Variants in AUH observed in about 807,000 individuals in gnomAD.
AUH encodes methylglutaconyl-CoA hydratase, mitochondrial.
AUH carries 29 observed loss-of-function variants against 42.3 expected under a neutral mutation model. The ratio of observed to expected loss-of-function variants is 0.69; its 90% CI spans 0.51 to 0.93. The LOEUF is 0.93. Ranked by LOEUF, AUH falls within the 40% of genes least tolerant of loss-of-function variation. The pLI is 0.00. For synonymous variants in AUH, 174 were observed against 166.4 expected (o/e 1.05, Z -0.35); for missense variants, 452 against 438.1 (o/e 1.03, Z -0.28).
At chr9:91,329,144 CAG>C (rs1830152174) in intron 3 of AUH, among the ~76,000 whole-genome samples, 1 of 152,166 alleles carries the variant, frequency 6.6e-6, no homozygotes, top group Non-Finnish European at 1.5e-5. Context: ...CATCGGATGA[CAG>C]ATATTCATAT....
chr9:91,268,732 T>C (rs914200890), intron 6 of AUH, among the ~76,000 whole-genome samples: 4 of 151,678 alleles, frequency 2.6e-5, no homozygotes, highest in Admixed American at 1.3e-4. Context: ...GCCCGGCCCA[T>C]AGACCTATTT....
chr9:91,338,894 G>A (rs1340041503), intron 3 of AUH, among the ~76,000 whole-genome samples: 1 of 152,194 alleles, frequency 6.6e-6, no homozygotes, highest in African/African-American at 2.4e-5. Context: ...AGAGATTAGA[G>A]GGAGGAAGTG....
chr9:91,256,280 T>C (rs936628319), intron 6 of AUH, among the ~76,000 whole-genome samples: 4 of 152,100 alleles, frequency 2.6e-5, no homozygotes, highest in African/African-American at 9.7e-5. Flanking sequence ...TATTCTGAAA[T>C]ATGACATCTT....
At chr9:91,298,149 T>G in intron 4 of AUH, 73 bp from the exon 5 acceptor site, 1 of 1,224,266 alleles carries the variant, frequency 8.2e-7, no homozygotes, top group South Asian at 1.2e-5. Flanking sequence ...TTTTAATTTT[T>G]TTCTGTGAAT....
intron 6 of AUH, among the ~76,000 whole-genome samples, chr9:91,281,605 C>T (rs1456373575): frequency 6.6e-6 from 1 of 152,196 alleles, no homozygotes; most frequent in African/African-American, 2.4e-5. Flanking sequence ...TCTTGATTGT[C>T]ACTTCCCAAC....
At chr9:91,230,738 G>C (rs1184541596) in intron 6 of AUH, among the ~76,000 whole-genome samples, 6 of 152,062 alleles carry the variant, frequency 3.9e-5, no homozygotes, top group Admixed American at 1.3e-4. Flanking sequence ...TTTTGGTGTG[G>C]ATGTCCTTTC....
chr9:91,285,296 A>G (rs1587771436), intron 6 of AUH, among the ~76,000 whole-genome samples: 1 of 143,088 alleles, frequency 7.0e-6, no homozygotes, highest in Non-Finnish European at 1.5e-5. Flanking sequence ...AACATCACAC[A>G]CTGGGGCCTG....
chr9:91,335,994 A>G (rs1480619204), intron 3 of AUH, among the ~76,000 whole-genome samples: 1 of 152,214 alleles, frequency 6.6e-6, no homozygotes, highest in Non-Finnish European at 1.5e-5. Flanking sequence ...CCACAAAGGT[A>G]TATTACATTA....
intron 3 of AUH, among the ~76,000 whole-genome samples, chr9:91,352,236 T>C (rs1314385208): frequency 6.6e-6 from 1 of 152,116 alleles, no homozygotes; most frequent in African/African-American, 2.4e-5. Context: ...GATCACACCA[T>C]TGCACTCCTG....
At chr9:91,279,661 C>T (rs913453342) in intron 6 of AUH, among the ~76,000 whole-genome samples, 20 of 152,158 alleles carry the variant, frequency 1.3e-4, no homozygotes, top group Middle Eastern at 3.2e-3. Context: ...ACCAAGGGGA[C>T]GGTGCAAAGC....
chr9:91,303,578 C>T (rs538015783), intron 4 of AUH, among the ~76,000 whole-genome samples: 2 of 152,302 alleles, frequency 1.3e-5, no homozygotes, highest in South Asian at 4.1e-4. Context: ...CCACCCGCCT[C>T]GGCCTCCCAA....
intron 3 of AUH, among the ~76,000 whole-genome samples, chr9:91,350,250 A>C (rs955242552): frequency 6.6e-6 from 1 of 152,210 alleles, no homozygotes; most frequent in Non-Finnish European, 1.5e-5. Context: ...TAAGTGTATA[A>C]AATTTTAAGA....
At chr9:91,356,954 G>A (rs1832455353) in intron 1 of AUH, among the ~76,000 whole-genome samples, 1 of 152,166 alleles carries the variant, frequency 6.6e-6, no homozygotes, top group African/African-American at 2.4e-5. Context: ...GAGTCAGGGT[G>A]GGTATGTTTC....
intron 6 of AUH, among the ~76,000 whole-genome samples, chr9:91,286,894 T>C (rs1232814961): frequency 6.6e-6 from 1 of 152,056 alleles, no homozygotes; most frequent in Non-Finnish European, 1.5e-5. Context: ...AATGATAACA[T>C]ATTATATACC....
At chr9:91,331,254 G>C (rs1483198661) in intron 3 of AUH, among the ~76,000 whole-genome samples, 1 of 152,166 alleles carries the variant, frequency 6.6e-6, no homozygotes, top group Non-Finnish European at 1.5e-5. Context: ...GTACAGACGG[G>C]TATTAAAGGT....
At chr9:91,326,883 T>C (rs567536395) in intron 3 of AUH, among the ~76,000 whole-genome samples, 11 of 152,336 alleles carry the variant, frequency 7.2e-5, no homozygotes, top group African/African-American at 2.6e-4. Context: ...AACAAATAAC[T>C]GGCTTAACTT....
intron 4 of AUH, among the ~76,000 whole-genome samples, chr9:91,306,751 C>T (rs1828254641): frequency 1.3e-5 from 2 of 152,162 alleles, no homozygotes; most frequent in Non-Finnish European, 2.9e-5. Flanking sequence ...TCTCACCATC[C>T]ATAGGATAAT....
chr9:91,223,440 T>C (rs1411511831), intron 6 of AUH, among the ~76,000 whole-genome samples: 2 of 152,206 alleles, frequency 1.3e-5, no homozygotes, highest in Admixed American at 1.3e-4. Flanking sequence ...CCATTGTACG[T>C]ATATACCACA....
At chr9:91,245,656 G>A (rs566519465) in intron 6 of AUH, among the ~76,000 whole-genome samples, 1 of 152,306 alleles carries the variant, frequency 6.6e-6, no homozygotes, top group Admixed American at 6.5e-5. Context: ...GCTGATAGAA[G>A]CAAACGGGTG....
Sources: allele counts gnomAD v4.1 joint callset (sites outside exome capture counted in the v4.1 genomes callset), GRCh38; gene constraint gnomAD v4.1.1; transcripts MANE v1.5; gene names NCBI Gene and HGNC (gene_info 2026-07-23, HGNC 2026-07-21).